INPP5J: variants seen among roughly 807,000 people sequenced by gnomAD.
INPP5J encodes the protein inositol polyphosphate-5-phosphatase J.
INPP5J carries 75 observed loss-of-function variants against 86.6 expected under a neutral mutation model. The observed-to-expected ratio is 0.87, with a 90% confidence interval of 0.72 to 1.05. INPP5J has a LOEUF of 1.05. INPP5J is among the 50% of genes least tolerant of loss of function. The pLI, the probability that INPP5J is intolerant of heterozygous loss-of-function variation, is 0.00. For missense variants in INPP5J, 1,229 were observed against 1,341.2 expected, an observed-to-expected ratio of 0.92 and a Z score of 1.31; for synonymous variants, 540 against 550.0, an observed-to-expected ratio of 0.98 and a Z score of 0.25.
intron 8 of INPP5J, 42 bp from the exon 9 acceptor site, chr22:31,128,429 A>AT (rs752800928): frequency 6.2e-7 from 1 of 1,606,090 alleles, no homozygotes; most frequent in Non-Finnish European, 8.5e-7. Context: ...TTACATCTTG[A>AT]TCCCCAGCCC....
chr22:31,127,113 G>A, intron 5 of INPP5J, 76 bp downstream of exon 5: 2 of 1,057,956 alleles, frequency 1.9e-6, no homozygotes, highest in Non-Finnish European at 2.8e-6. Context: ...CCCATGCACA[G>A]CAAGGTCCCC....
rs546001465 is a variant in INPP5J at position 31,125,721 on chromosome 22, C to T, written c.982C>T (p.Arg328Trp). The T allele has an allele frequency of 3.6e-5, 56 of 1,550,998 alleles. No individual in the cohort carries two copies. The African/African-American group carries it at 4.8e-4, about 13-fold the overall frequency. The stretch of plus-strand genomic sequence containing the variant: ...CCCTGGACTTCTGTCCCCCACCTTC[C>T]GGCCTGGGGCCCCCTCAGGCCAGAC... ...HSPGLLSPTF[R>W]PGAPSGQTVP... The change falls in exon 2 of 13, where the codon CGG becomes TGG. Residue 328 changes from arginine (R) to tryptophan (W), a missense_variant. Arg to Trp is a moderately radical substitution (Grantham distance 101). Coordinates refer to ENST00000331075, the MANE Select transcript of INPP5J (RefSeq NM_001284285.2).
rs561475767 is a variant in INPP5J at position 31,123,386 on chromosome 22, G to C, written c.105+267G>C. Among the ~76,000 whole-genome samples, 11 of 152,254 alleles carry C rather than the reference G, an allele frequency of 7.2e-5. 1 individual carries two copies. In the South Asian group the frequency reaches 2.1e-3, roughly 29 times the overall value. On this transcript the variant is annotated intron_variant, in intron 1 of 12. Coordinates refer to ENST00000331075, the MANE Select transcript of INPP5J (RefSeq NM_001284285.2). ...GAGGACCCAGCTGTGCTCCACCTTT[G>C]CTGTGTGACCTTGGCCAAGTTGCTT... is the stretch of plus-strand genomic sequence containing the variant.
intron 6 of INPP5J, 130 bp from the exon 7 acceptor site, chr22:31,127,821 C>A: frequency 1.5e-6 from 1 of 672,086 alleles, no homozygotes; most frequent in Non-Finnish European, 2.7e-6. Context: ...GCTCTGGCAC[C>A]ACTCACCCAC....
At chr22:31,124,820 G>C (rs1345230949) in intron 1 of INPP5J, 25 bp from the exon 2 acceptor site, 2 of 1,593,444 alleles carry the variant, frequency 1.3e-6, no homozygotes, top group Non-Finnish European at 1.7e-6. Context: ...GGGTCACTCT[G>C]AATCTTTGAC....
Position 31,134,104 on chromosome 22 carries a change from A to T in INPP5J, c.2706A>T (p.Ser902=), listed in dbSNP as rs1311791476. 6.4e-7 allele frequency: 1 copy of T among 1,554,106 alleles called. No homozygotes were observed. ...TCCCTGGGCTTGCCCTACGGCCCTCATCCCGTGAACGCCGTGGTGCCAGCC... is the reference window on the plus strand; with the variant it reads ...TCCCTGGGCTTGCCCTACGGCCCTCTTCCCGTGAACGCCGTGGTGCCAGCC... ...ARFPGLALRP[S]SRERRGASRS... is the part of the protein sequence containing the mutation. The change falls in exon 13 of 13, where the codon TCA becomes TCT. Residue 902 remains serine, a synonymous_variant. Coordinates refer to ENST00000331075, the MANE Select transcript of INPP5J (RefSeq NM_001284285.2).
rs61730187 is a variant in INPP5J, at chr22:31,126,772, G to T, written c.1494+51G>T. 3.8e-3 allele frequency: 5,876 copies of T among 1,536,530 alleles called. 87 individuals carry two copies. Among genetic ancestry groups the T allele is most frequent in the African/African-American group, 0.034 (2,500 of 73,492 alleles). ...AGCCAGAGACCCTGCTGAATTCCTG[G>T]CTCCAGCTGTACCCTGGCTCACTGT... On this transcript the variant is annotated intron_variant, in intron 4 of 12. Coordinates refer to ENST00000331075, the MANE Select transcript of INPP5J (RefSeq NM_001284285.2).
chr22:31,125,887 G>T lies in INPP5J; in HGVS notation c.1148G>T (p.Cys383Phe). 1 of 1,611,268 alleles carries T rather than the reference G, an allele frequency of 6.2e-7. No homozygotes were observed. The highest frequency in any genetic ancestry group is 1.1e-5 in the South Asian group (1 of 90,766). Reference sequence around the variant, plus strand: ...ACACAGAGTACAGGGCCTGGCAGGTGCCTGAGCCCCAACCTTCAGGCCCAA... The same window carrying T: ...ACACAGAGTACAGGGCCTGGCAGGTTCCTGAGCCCCAACCTTCAGGCCCAA... ...LGTQSTGPGR[C>F]LSPNLQAQEA... Residue 383 changes from cysteine (C) to phenylalanine (F), a missense_variant, in exon 2 of 13, where the codon TGC becomes TTC. Cys to Phe is a radical substitution (Grantham distance 205). Transcript: ENST00000331075.
chr22:31,133,499 G>T lies in INPP5J; in HGVS notation c.2409+16G>T. On this transcript the variant is annotated intron_variant, in intron 11 of 12. Coordinates refer to ENST00000331075, the MANE Select transcript of INPP5J (RefSeq NM_001284285.2). The stretch of plus-strand genomic sequence containing the variant: ...TACCTACCAGGTACTTAAAAGGAGT[G>T]GGAGAGTCAGGGCAAGTCCTTGTTG... 1.2e-6 allele frequency: 2 copies of T among 1,610,658 alleles called. No individual in the cohort carries two copies. Among genetic ancestry groups the T allele is most frequent in the South Asian group, 1.1e-5 (1 of 90,850 alleles).
At chr22:31,126,784 C>CCCTG in intron 4 of INPP5J, 63 bp downstream of exon 4, 1 of 1,506,658 alleles carries the variant, frequency 6.6e-7, no homozygotes, top group Non-Finnish European at 9.2e-7. Flanking sequence ...TCCAGCTGTA[C>CCCTG]CCTGGCTCAC....
intron 1 of INPP5J, chr22:31,124,277 G>C: frequency 1.0e-6 from 1 of 987,004 alleles, no homozygotes; most frequent in South Asian, 4.7e-5. Flanking sequence ...AGAGAACAGA[G>C]AGGGCTGTAA....
rs1194113655 is a variant in INPP5J, at chr22:31,125,618, G to C, written c.879G>C (p.Glu293Asp). ...CTGAGGCCCTCCACAGCAGCCCTGA[G>C]GATCCTGTTTTGCCACGGCCACCCC... ...ARPEALHSSP[E>D]DPVLPRPPQT... The change falls in exon 2 of 13, where the codon GAG becomes GAC. Residue 293 changes from glutamate (E) to aspartate (D), a missense_variant. Transcript: ENST00000331075. The C allele has an allele frequency of 6.4e-7, 1 of 1,550,488 alleles. No homozygotes were observed. The highest frequency in any genetic ancestry group is 8.7e-7 in the Non-Finnish European group (1 of 1,146,970).
intron 1 of INPP5J, among the ~76,000 whole-genome samples, chr22:31,123,730 T>C (rs1921082900): frequency 6.6e-6 from 1 of 152,176 alleles, no homozygotes; most frequent in African/African-American, 2.4e-5. Flanking sequence ...AGTATAGACA[T>C]TCTTCTGCCC....
chr22:31,132,585 C>T (rs1922149802), intron 9 of INPP5J, among the ~76,000 whole-genome samples: 2 of 151,946 alleles, frequency 1.3e-5, no homozygotes, highest in African/African-American at 4.8e-5. Context: ...ACTAAAAATA[C>T]AAAAATTAGC....
chr22:31,127,757 A>G (rs1921638491), intron 6 of INPP5J, 194 bp from the exon 7 acceptor site: 3 of 640,692 alleles, frequency 4.7e-6, no homozygotes, highest in East Asian at 5.5e-5. Context: ...GTCAGAACCT[A>G]ATTTCCTGTA....
rs530171401 is a variant in INPP5J at position 31,125,212 on chromosome 22, A to G, written c.473A>G (p.Asn158Ser). Residue 158 changes from asparagine to serine, a missense_variant, in exon 2 of 13, where the codon AAT becomes AGT. Asn to Ser is a conservative substitution (Grantham distance 46). Transcript: ENST00000331075. ...PRSPPVTLGP[N>S]LAPTSRDQKQ... is the part of the protein sequence containing the mutation. Reference sequence around the variant, plus strand: ...TCTCCCCCAGTCACCCTGGGGCCCAATCTGGCCCCAACCTCCAGAGACCAG... The same window carrying G: ...TCTCCCCCAGTCACCCTGGGGCCCAGTCTGGCCCCAACCTCCAGAGACCAG... The G allele has an allele frequency of 1.1e-4, 174 of 1,550,118 alleles. No homozygotes were observed. Among genetic ancestry groups the G allele is most frequent in the Non-Finnish European group, 1.5e-4 (170 of 1,146,874 alleles).
At position 31,131,708 on chromosome 22, in the gene INPP5J, G is replaced by A. The variant is rs1922081336; in HGVS notation, c.2194-1390G>A. Among the ~76,000 whole-genome samples, 3 of 152,182 alleles carry A rather than the reference G, an allele frequency of 2.0e-5. No individual in the cohort carries two copies. The South Asian group carries it at 6.2e-4, about 32-fold the overall frequency. ...TGTTTTACTGGTGAGGGAAACTGAGGCTCAGAGAACTTAAGTCTCTTAGCC... is the reference window on the plus strand; with the variant it reads ...TGTTTTACTGGTGAGGGAAACTGAGACTCAGAGAACTTAAGTCTCTTAGCC... On this transcript the variant is annotated intron_variant, in intron 9 of 12. Transcript: ENST00000331075.
chr22:31,133,211 C>T lies in INPP5J; in HGVS notation c.2307C>T (p.Ser769=). The T allele has an allele frequency of 1.2e-6, 2 of 1,606,530 alleles. No individual in the cohort carries two copies. The highest frequency in any genetic ancestry group is 2.2e-5 in the South Asian group (2 of 89,568). The part of the protein sequence containing the change: ...YRMETVFARS[S]WDWIGLYRVG... ...TGGAAACAGTGTTCGCCCGCAGCTC[C>T]TGGGACTGGATCGGCTTATACCGGG... is the stretch of plus-strand genomic sequence containing the variant. The change falls in exon 10 of 13, where the codon TCC becomes TCT. Residue 769 remains serine, a synonymous_variant. Coordinates refer to ENST00000331075, the MANE Select transcript of INPP5J (RefSeq NM_001284285.2).
chr22:31,123,351 C>T lies in INPP5J; in HGVS notation c.105+232C>T, dbSNP rs1921045194. On this transcript the variant is annotated intron_variant, in intron 1 of 12. Transcript: ENST00000331075. ...CAGGAGCCCTTGGGAGAGTCCTGGA[C>T]TGGGTATCAGAGGACCCAGCTGTGC... Among the ~76,000 whole-genome samples the T allele has an allele frequency of 2.0e-5, 3 of 152,262 alleles. No individual in the cohort carries two copies. In the South Asian group the frequency reaches 6.2e-4, roughly 32 times the overall value.
Sources: gnomAD v4.1 joint callset for allele counts (sites outside exome capture counted in the v4.1 genomes callset) on GRCh38, gnomAD v4.1.1 for gene constraint, MANE v1.5 for transcripts, NCBI Gene and HGNC (gene_info 2026-07-23, HGNC 2026-07-21) for gene names.